Variants in COL22A1 observed in about 807,000 individuals in gnomAD.
COL22A1 encodes collagen alpha-1(XXII) chain.
In COL22A1, 221 loss-of-function variants were observed where a neutral mutation model predicts 248.9. The observed-to-expected ratio is 0.89, with a 90% confidence interval of 0.80 to 0.99. The LOEUF is 0.99. Ranked by LOEUF, COL22A1 falls within the 50% of genes least tolerant of loss-of-function variation. The pLI, the probability that COL22A1 is intolerant of heterozygous loss-of-function variation, is 0.00. For missense variants in COL22A1, 2,240 were observed against 2,179.0 expected (o/e 1.03, Z -0.56); for synonymous variants, 891 against 793.4 (o/e 1.12, Z -2.07).
At chr8:138,844,672 C>T (rs550665017) in intron 3 of COL22A1, among the ~76,000 whole-genome samples, 20 of 152,258 alleles carry the variant, frequency 1.3e-4, no homozygotes, top group South Asian at 4.1e-4. Context: ...TGCACATGTC[C>T]GGGCGCGGTG....
intron 18 of COL22A1, among the ~76,000 whole-genome samples, chr8:138,758,648 A>G (rs1833219243): frequency 6.6e-6 from 1 of 152,142 alleles, no homozygotes; most frequent in Non-Finnish European, 1.5e-5. Flanking sequence ...AGTTCCAGTG[A>G]CTTTCCCAAA....
chr8:138,775,120 C>A (rs1814301163), intron 16 of COL22A1, among the ~76,000 whole-genome samples: 1 of 152,218 alleles, frequency 6.6e-6, no homozygotes, highest in South Asian at 2.1e-4. Flanking sequence ...CAGCATGCAG[C>A]AGACCCCAGC....
At chr8:138,715,806 G>A (rs1829387446) in intron 29 of COL22A1, 71 bp from the exon 30 acceptor site, 1 of 1,108,498 alleles carries the variant, frequency 9.0e-7, no homozygotes, top group African/African-American at 1.6e-5. Flanking sequence ...TTCAAGGTAA[G>A]AGCAACATGA....
intron 18 of COL22A1, 87 bp from the exon 19 acceptor site, chr8:138,755,916 C>T: frequency 8.9e-7 from 1 of 1,118,864 alleles, no homozygotes; most frequent in Non-Finnish European, 1.4e-6. Flanking sequence ...TTCTTGTGGG[C>T]CCAGGGGACC....
At chr8:138,642,920 T>C (rs1330018875) in intron 47 of COL22A1, among the ~76,000 whole-genome samples, 3 of 151,716 alleles carry the variant, frequency 2.0e-5, no homozygotes, top group African/African-American at 7.3e-5. Context: ...TCCCAGCTAC[T>C]CAGGGGGCTG....
intron 10 of COL22A1, among the ~76,000 whole-genome samples, chr8:138,807,270 C>T (rs75019796): frequency 0.04 from 6,118 of 152,248 alleles, 134 homozygotes; most frequent in South Asian, 0.05. Context: ...TCCACTGTGC[C>T]TTGATAAACA....
intron 45 of COL22A1, among the ~76,000 whole-genome samples, chr8:138,650,110 G>C (rs1336026719): frequency 1.3e-5 from 2 of 152,162 alleles, no homozygotes; most frequent in East Asian, 3.8e-4. Flanking sequence ...GTGAGCAGCT[G>C]AAAACATTAA....
At chr8:138,618,378 T>G (rs1203522143) in intron 53 of COL22A1, among the ~76,000 whole-genome samples, 2 of 152,190 alleles carry the variant, frequency 1.3e-5, no homozygotes, top group Non-Finnish European at 2.9e-5. Context: ...ACCTCAGCTC[T>G]TTCATTACAA....
chr8:138,596,770 A>G (rs998783741), intron 62 of COL22A1, 134 bp downstream of exon 62: 3 of 763,188 alleles, frequency 3.9e-6, no homozygotes, highest in African/African-American at 3.5e-5. Context: ...GCATTCCCCA[A>G]CCCTGATAGT....
intron 47 of COL22A1, among the ~76,000 whole-genome samples, chr8:138,642,414 G>T (rs1409486629): frequency 1.3e-5 from 2 of 152,182 alleles, no homozygotes; most frequent in East Asian, 3.9e-4. Flanking sequence ...ACTGCCTGGG[G>T]CTCATCATGC....
intron 42 of COL22A1, among the ~76,000 whole-genome samples, chr8:138,662,916 C>T (rs1243621757): frequency 2.0e-5 from 3 of 151,434 alleles, no homozygotes; most frequent in South Asian, 2.1e-4. Context: ...CCGGGGAGGG[C>T]GAGGCAGGAG....
At chr8:138,656,307 A>G (rs6577940) in intron 44 of COL22A1, among the ~76,000 whole-genome samples, 10,053 of 152,244 alleles carry the variant, frequency 0.066, 366 homozygotes, top group Non-Finnish European at 0.074. Context: ...ACTGTTTGCA[A>G]TCTGGATTGT....
intron 6 of COL22A1, among the ~76,000 whole-genome samples, chr8:138,826,401 C>T (rs1301387512): frequency 2.0e-5 from 3 of 152,164 alleles, no homozygotes; most frequent in Admixed American, 2.0e-4. Flanking sequence ...GACCAAGTGT[C>T]TTGGAGGACA....
At chr8:138,659,602 C>T (rs1200332114) in intron 44 of COL22A1, among the ~76,000 whole-genome samples, 1 of 152,226 alleles carries the variant, frequency 6.6e-6, no homozygotes, top group African/African-American at 2.4e-5. Flanking sequence ...CTCCCACTCT[C>T]TCAGGCCAGC....
At chr8:138,843,537 CG>C (rs921538018) in intron 4 of COL22A1, among the ~76,000 whole-genome samples, 2 of 152,124 alleles carry the variant, frequency 1.3e-5, no homozygotes, top group Non-Finnish European at 2.9e-5. Context: ...GATCCATGTT[CG>C]GGTAATTGGG....
intron 11 of COL22A1, among the ~76,000 whole-genome samples, chr8:138,802,648 G>A (rs1169824400): frequency 1.3e-5 from 2 of 152,150 alleles, no homozygotes; most frequent in South Asian, 2.1e-4. Flanking sequence ...TTCTGGTTAT[G>A]GGGTGGCAAG....
At chr8:138,872,070 A>G (rs1048667843) in intron 3 of COL22A1, among the ~76,000 whole-genome samples, 9 of 152,174 alleles carry the variant, frequency 5.9e-5, no homozygotes, top group African/African-American at 1.9e-4. Flanking sequence ...AGAATCACAC[A>G]CTCATCAAAA....
chr8:138,787,862 C>T (rs934544529), intron 12 of COL22A1, among the ~76,000 whole-genome samples: 1 of 152,200 alleles, frequency 6.6e-6, no homozygotes, highest in African/African-American at 2.4e-5. Context: ...AATTATCCAT[C>T]TCCTCTCACC....
intron 1 of COL22A1, among the ~76,000 whole-genome samples, chr8:138,893,207 G>T (rs983171599): frequency 6.6e-6 from 1 of 152,224 alleles, no homozygotes; most frequent in Admixed American, 6.5e-5. Flanking sequence ...TACAGACTGA[G>T]TACTTTCTAC....
Sources: gnomAD v4.1 joint callset for allele counts (sites outside exome capture counted in the v4.1 genomes callset) on GRCh38, gnomAD v4.1.1 for gene constraint, MANE v1.5 for transcripts, NCBI Gene and HGNC (gene_info 2026-07-23, HGNC 2026-07-21) for gene names.